Variants in PRLR observed in about 807,000 individuals in gnomAD.
PRLR encodes hPRL receptor.
A neutral mutation model predicts 40.2 loss-of-function variants in PRLR; 13 were observed. That is an observed-to-expected ratio of 0.32 (90% confidence interval 0.21 to 0.51). PRLR has a LOEUF of 0.51. PRLR is among the 20% of genes least tolerant of loss of function. PRLR has a pLI of 0.97. For missense variants in PRLR, 656 were observed against 747.3 expected, an observed-to-expected ratio of 0.88 and a Z score of 1.42; for synonymous variants, 269 against 278.7, an observed-to-expected ratio of 0.97 and a Z score of 0.35.
intron 6 of PRLR, among the ~76,000 whole-genome samples, chr5:35,072,319 G>T (rs186851627): frequency 6.6e-6 from 1 of 152,170 alleles, no homozygotes; most frequent in Admixed American, 6.5e-5. Flanking sequence ...GATCTAAAAT[G>T]TACTAAGGGA....
At chr5:35,194,174 T>G (rs543008035) in intron 1 of PRLR, among the ~76,000 whole-genome samples, 2 of 152,330 alleles carry the variant, frequency 1.3e-5, no homozygotes, top group Admixed American at 6.5e-5. Context: ...GAGAACTTGC[T>G]TTTTTAGAAG....
chr5:35,059,360 T>C lies in PRLR; in HGVS notation c.*5729A>G, dbSNP rs1768902444. 1 of 152,106 alleles carries C rather than the reference T, an allele frequency of 6.6e-6. No individual in the cohort carries two copies. The highest frequency in any genetic ancestry group is 2.4e-5 in the African/African-American group (1 of 41,412). 9.4% of individuals were successfully genotyped at this position (152,106 alleles called of 1,614,324 possible). A position where few individuals can be genotyped will look rare whatever the true frequency, so the allele number is the denominator to read the frequency against. On this transcript the variant is annotated 3_prime_UTR_variant, in exon 10 of 10. Transcript: ENST00000618457. ...TTTACATGTCTCAGTACTTTCTAAA[T>C]TGAAATCAGAGCATTAAATCAAGGG... is the stretch of plus-strand genomic sequence containing the variant.
chr5:35,115,296 G>A (rs561528579), intron 2 of PRLR, among the ~76,000 whole-genome samples: 4 of 152,050 alleles, frequency 2.6e-5, no homozygotes, highest in Non-Finnish European at 5.9e-5. Context: ...CCAATCCCAA[G>A]GCTCTCTTCT....
chr5:35,160,402 T>C (rs1216729639), intron 1 of PRLR, among the ~76,000 whole-genome samples: 1 of 152,206 alleles, frequency 6.6e-6, no homozygotes, highest in East Asian at 1.9e-4. Context: ...GATTTAGCCA[T>C]CTCTGCTCTT....
At chr5:35,116,078 C>A (rs879688421) in intron 2 of PRLR, among the ~76,000 whole-genome samples, 1 of 152,086 alleles carries the variant, frequency 6.6e-6, no homozygotes, top group African/African-American at 2.4e-5. Flanking sequence ...TCAGAAGTAT[C>A]TTTGTAATCC....
chr5:35,142,817 T>C (rs542159876), intron 1 of PRLR, among the ~76,000 whole-genome samples: 8 of 152,186 alleles, frequency 5.3e-5, no homozygotes, highest in Non-Finnish European at 8.8e-5. Flanking sequence ...ATGGCCAGGT[T>C]GTCTGGTTTT....
chr5:35,227,209 C>G (rs535536569), intron 1 of PRLR, among the ~76,000 whole-genome samples: 1 of 152,322 alleles, frequency 6.6e-6, no homozygotes, highest in East Asian at 1.9e-4. Context: ...CATGTTCACA[C>G]CACTTAAAAG....
Position 35,100,129 on chromosome 5 carries a change from G to C in PRLR, c.-43-10466C>G, listed in dbSNP as rs529032886. On this transcript the variant is annotated intron_variant, in intron 2 of 9. Coordinates refer to ENST00000618457, the MANE Select transcript of PRLR (RefSeq NM_000949.7). Reference sequence around the variant, plus strand: ...GGAGGCGGAGTTTGCAGTGAGCCGAGATTTGCAGCGAGCCATTGCACTGCA... The same window carrying C: ...GGAGGCGGAGTTTGCAGTGAGCCGACATTTGCAGCGAGCCATTGCACTGCA... 6.2e-5 allele frequency among the ~76,000 whole-genome samples: 9 copies of C among 145,632 alleles called. No individual in the cohort carries two copies. The East Asian group carries it at 1.9e-3, about 31-fold the overall frequency.
chr5:35,076,555 A>C lies in PRLR; in HGVS notation c.374-3811T>G, dbSNP rs533672396. Among the ~76,000 whole-genome samples, 13 of 152,360 alleles carry C rather than the reference A, an allele frequency of 8.5e-5. No homozygotes were observed. The East Asian group carries it at 2.3e-3, about 27-fold the overall frequency. ...ATATACGGGACTATGTGAAAAGACC[A>C]AATCGACATCTGATTGGTGTACCTG... On this transcript the variant is annotated intron_variant, in intron 5 of 9. Transcript: ENST00000618457.
At position 35,153,181 on chromosome 5, in the gene PRLR, G is replaced by T. The variant is rs57432690; in HGVS notation, c.-105-35059C>A. Among the ~76,000 whole-genome samples, 429 of 152,336 alleles carry T rather than the reference G, an allele frequency of 2.8e-3. 2 individuals carry two copies. Among genetic ancestry groups the T allele is most frequent in the African/African-American group, 1.0e-2 (415 of 41,580 alleles). ...CTATCATTATCATATTTTAATAAAA[G>T]AGATGATTAGTAGCGATCCTTCCAA... is the stretch of plus-strand genomic sequence containing the variant. On this transcript the variant is annotated intron_variant, in intron 1 of 9. Transcript: ENST00000618457.
At chr5:35,129,529 T>G (rs1447645046) in intron 1 of PRLR, among the ~76,000 whole-genome samples, 1 of 152,128 alleles carries the variant, frequency 6.6e-6, no homozygotes, top group African/African-American at 2.4e-5. Flanking sequence ...CCACAGCAAA[T>G]GTGGGGTTGA....
intron 1 of PRLR, among the ~76,000 whole-genome samples, chr5:35,215,866 TA>T (rs1212093418): frequency 0.013 from 1,113 of 88,886 alleles, 13 homozygotes; most frequent in African/African-American, 0.024. Context: ...CTGTCTCTAC[TA>T]AAAAAAAAAA....
At chr5:35,052,167 CTCAT>C (rs1308539262), downstream of PRLR, among the ~76,000 whole-genome samples, 1 of 152,032 alleles carries the variant, frequency 6.6e-6, no homozygotes, top group Non-Finnish European at 1.5e-5. Context: ...AAAGATGAAC[CTCAT>C]TAATGCAAAA....
chr5:35,054,456 A>G (rs944136258), downstream of PRLR, among the ~76,000 whole-genome samples: 9 of 152,262 alleles, frequency 5.9e-5, 1 homozygote, highest in South Asian at 6.2e-4. Flanking sequence ...TAGCAGTGGT[A>G]TACACACAAC....
At chr5:35,154,810 TA>T (rs1360872240) in intron 1 of PRLR, among the ~76,000 whole-genome samples, 1 of 152,130 alleles carries the variant, frequency 6.6e-6, no homozygotes, top group Admixed American at 6.5e-5. Flanking sequence ...TATGCAGCCA[TA>T]AAAAAACGAG....
In PRLR at chr5:35,061,825, T is replaced by G. The variant is rs935793869; in HGVS notation, c.*3264A>C. 7 of 152,136 alleles carry G rather than the reference T, an allele frequency of 4.6e-5. No homozygotes were observed. Among genetic ancestry groups the G allele is most frequent in the Non-Finnish European group, 1.0e-4 (7 of 68,014 alleles). The allele number at this position is 152,136 out of a possible 1,614,324, so 9.4% of individuals were successfully genotyped here. ...ATACATGAGCCAACTGTGCAATGGT[T>G]GTTAACAATCTAGGATGGTGCAAGG... On this transcript the variant is annotated 3_prime_UTR_variant, in exon 10 of 10. Transcript: ENST00000618457.
Position 35,056,945 on chromosome 5 carries a change from C to G in PRLR, c.*8144G>C, listed in dbSNP as rs1768758667. The G allele has an allele frequency of 6.6e-6, 1 of 152,182 alleles. No individual in the cohort carries two copies. The highest frequency in any genetic ancestry group is 1.5e-5 in the Non-Finnish European group (1 of 68,018). 9.4% of individuals were successfully genotyped at this position (152,182 alleles called of 1,614,324 possible). ...CACACACCATTTCACAATTCTGGAA[C>G]ACGGACATGAACAGTAAGTGAAACT... On this transcript the variant is annotated 3_prime_UTR_variant, in exon 10 of 10. Transcript: ENST00000618457.
In PRLR at chr5:35,105,432, G is replaced by A. The variant is rs557477597; in HGVS notation, c.-44+12629C>T. On this transcript the variant is annotated intron_variant, in intron 2 of 9. Coordinates refer to ENST00000618457, the MANE Select transcript of PRLR (RefSeq NM_000949.7). Reference sequence around the variant, plus strand: ...GATTGGCAATAACAAACTTCTCTGAGCTAAAGGAGGGTGTTCAAACCCATC... The same window carrying A: ...GATTGGCAATAACAAACTTCTCTGAACTAAAGGAGGGTGTTCAAACCCATC... 6.6e-5 allele frequency among the ~76,000 whole-genome samples: 10 copies of A among 152,334 alleles called. No individual in the cohort carries two copies. In the East Asian group the frequency reaches 1.7e-3, roughly 26 times the overall value.
intron 1 of PRLR, among the ~76,000 whole-genome samples, chr5:35,146,357 T>C (rs538363578): frequency 3.7e-4 from 56 of 152,344 alleles, no homozygotes; most frequent in Middle Eastern, 3.4e-3. Context: ...GGTGTACTTA[T>C]TGTTTTCATA....
Sources: allele counts gnomAD v4.1 joint callset (sites outside exome capture counted in the v4.1 genomes callset), GRCh38; gene constraint gnomAD v4.1.1; transcripts MANE v1.5; gene names NCBI Gene and HGNC (gene_info 2026-07-23, HGNC 2026-07-21).